Variants in NALCN observed in about 807,000 individuals in gnomAD.
NALCN encodes sodium leak channel, non-selective, also known as sodium leak channel NALCN.
NALCN carries 111 observed loss-of-function variants against 225.3 expected under a neutral mutation model. The observed-to-expected ratio is 0.49, with a 90% CI of 0.42 to 0.58. The LOEUF is 0.58. NALCN is among the 20% of genes least tolerant of loss of function. NALCN has a pLI of 0.00. For synonymous variants in NALCN, 764 were observed against 769.0 expected (o/e 0.99, Z 0.11); for missense variants, 1,378 against 2,202.4 (o/e 0.63, Z 7.49).
At chr13:101,262,668 G>T (rs1594555057) in intron 10 of NALCN, among the ~76,000 whole-genome samples, 1 of 152,130 alleles carries the variant, frequency 6.6e-6, no homozygotes, top group Non-Finnish European at 1.5e-5. Flanking sequence ...ACTAAAATGG[G>T]GTAAGAGAAC....
chr13:101,111,210 G>A lies in NALCN; in HGVS notation c.2209C>T (p.Arg737Cys), dbSNP rs2139647833. Residue 737 changes from arginine (R) to cysteine (C), a missense_variant, in exon 19 of 44, where the codon CGC becomes TGC. Physicochemically the swap from Arg to Cys is radical, Grantham distance 180 (BLOSUM62 -3). Transcript: ENST00000251127. ...TKILRACTRQ[R>C]MLSGSFEGQP... ...CCCTCAAATGATCCGCTCAGCATGC[G>A]CTGTCGGGTGCAAGCTCTAGGAAAA... is the stretch of plus-strand genomic sequence containing the variant. The A allele has an allele frequency of 6.3e-7, 1 of 1,594,470 alleles. No individual in the cohort carries two copies. The highest frequency in any genetic ancestry group is 8.6e-7 in the Non-Finnish European group (1 of 1,166,264).
At chr13:101,133,951 C>T (rs2036637892) in intron 17 of NALCN, among the ~76,000 whole-genome samples, 1 of 152,034 alleles carries the variant, frequency 6.6e-6, no homozygotes, top group African/African-American at 2.4e-5. Context: ...GGGTGGATCA[C>T]GAGGTCAGGA....
At chr13:101,324,387 T>C (rs16958844) in intron 7 of NALCN, among the ~76,000 whole-genome samples, 15,971 of 152,278 alleles carry the variant, frequency 0.1, 1,145 homozygotes, top group African/African-American at 0.19. Context: ...AAATATTTTA[T>C]CAGATTACAC....
At chr13:101,116,921 T>G (rs1464888098) in intron 18 of NALCN, 1 of 513,248 alleles carries the variant, frequency 1.9e-6, no homozygotes, top group South Asian at 1.4e-5. Flanking sequence ...GGCTCTTACC[T>G]GACTCCACTA....
intron 7 of NALCN, among the ~76,000 whole-genome samples, chr13:101,298,815 A>AAATACTTGTAGACATT (rs2043848361): frequency 6.6e-6 from 1 of 152,164 alleles, no homozygotes; most frequent in African/African-American, 2.4e-5. Flanking sequence ...AGTCCCTGCA[A>AAATACTTGTAGACATT]CCCCCAACCA....
intron 3 of NALCN, among the ~76,000 whole-genome samples, chr13:101,386,585 T>TTTTATA (rs1372623331): frequency 2.0e-5 from 3 of 151,904 alleles, no homozygotes; most frequent in Admixed American, 6.6e-5. Flanking sequence ...ATCTTACATA[T>TTTTATA]TTTATATTTA....
At chr13:101,164,627 G>A (rs375364013) in intron 15 of NALCN, among the ~76,000 whole-genome samples, 5 of 152,190 alleles carry the variant, frequency 3.3e-5, no homozygotes, top group East Asian at 3.9e-4. Context: ...CCCAAATTCT[G>A]AGCCTCTGTT....
At chr13:101,164,597 T>G (rs2038351266) in intron 15 of NALCN, among the ~76,000 whole-genome samples, 1 of 152,200 alleles carries the variant, frequency 6.6e-6, no homozygotes, top group South Asian at 2.1e-4. Flanking sequence ...GCTGTTGTTT[T>G]TATGTTGATA....
At chr13:101,094,816 C>T (rs1263776477) in intron 28 of NALCN, among the ~76,000 whole-genome samples, 1 of 152,184 alleles carries the variant, frequency 6.6e-6, no homozygotes, top group Non-Finnish European at 1.5e-5. Flanking sequence ...AGAGTTTTGA[C>T]ATTTAGAAAA....
rs73560749 is a variant in NALCN, at chr13:101,232,891, G to A, written c.1435-3307C>T. Among the ~76,000 whole-genome samples, 1,372 of 152,062 alleles carry A rather than the reference G, an allele frequency of 9.0e-3. 23 individuals carry two copies. Among genetic ancestry groups the A allele is most frequent in the African/African-American group, 0.032 (1,323 of 41,450 alleles). On this transcript the variant is annotated intron_variant, in intron 12 of 43. Transcript: ENST00000251127. ...AATTTCCAGAATAATAATCTGGAAA[G>A]ATTTCACATTTTTATCAGATTTGTC...
chr13:101,178,314 T>A (rs2043684926), intron 14 of NALCN, among the ~76,000 whole-genome samples: 1 of 152,112 alleles, frequency 6.6e-6, no homozygotes, highest in Admixed American at 6.5e-5. Flanking sequence ...AATTTAATCA[T>A]GTTTCCTCTC....
At chr13:101,255,099 A>G (rs77099248) in intron 11 of NALCN, among the ~76,000 whole-genome samples, 1,627 of 152,178 alleles carry the variant, frequency 0.011, 28 homozygotes, top group African/African-American at 0.038. Flanking sequence ...CACATAATAT[A>G]TACTGAATTC....
intron 3 of NALCN, among the ~76,000 whole-genome samples, chr13:101,392,194 AC>A (rs1405429246): frequency 3.9e-5 from 6 of 152,116 alleles, no homozygotes; most frequent in African/African-American, 1.4e-4. Context: ...TAGTGTGCAT[AC>A]ATGCCCGCCA....
rs1401703339 is a variant in NALCN at position 101,068,011 on chromosome 13, G to A, written c.4353C>T (p.Ser1451=). Residue 1451 remains serine, a synonymous_variant, in exon 39 of 44, where the codon TCC becomes TCT. Transcript: ENST00000251127. ...LLVAIIVENF[S]LFYSTEEDQL... is the part of the protein sequence containing the mutation. ...GGTCCTCCTCAGTGGAATAAAACAA[G>A]GAGAAATTCTCCACAATTATGGCTT... The A allele has an allele frequency of 4.4e-6, 7 of 1,607,094 alleles. No homozygotes were observed. The highest frequency in any genetic ancestry group is 5.9e-6 in the Non-Finnish European group (7 of 1,177,896).
intron 6 of NALCN, among the ~76,000 whole-genome samples, chr13:101,368,293 G>C (rs1594750536): frequency 6.6e-6 from 1 of 151,730 alleles, no homozygotes; most frequent in South Asian, 2.1e-4. Context: ...TGAGAATGAT[G>C]ATTTCCAATT....
intron 14 of NALCN, among the ~76,000 whole-genome samples, chr13:101,178,814 C>T (rs1042844979): frequency 6.6e-6 from 1 of 152,164 alleles, no homozygotes; most frequent in African/African-American, 2.4e-5. Flanking sequence ...GTATGGAAAG[C>T]GGTGATATAA....
chr13:101,098,722 G>C (rs868353945), intron 27 of NALCN, among the ~76,000 whole-genome samples: 1 of 151,944 alleles, frequency 6.6e-6, no homozygotes, highest in Non-Finnish European at 1.5e-5. Flanking sequence ...AGTAAGATGG[G>C]CTGAAGTTCT....
intron 13 of NALCN, among the ~76,000 whole-genome samples, chr13:101,207,515 T>C (rs983874857): frequency 2.0e-5 from 3 of 152,228 alleles, no homozygotes; most frequent in Admixed American, 2.0e-4. Context: ...ATTCTTTAAA[T>C]ATCCTTGCTC....
intron 6 of NALCN, among the ~76,000 whole-genome samples, chr13:101,354,867 T>C (rs371789459): frequency 3.3e-5 from 5 of 152,120 alleles, no homozygotes; most frequent in East Asian, 1.9e-4. Context: ...CTCCCTGATA[T>C]AGTTTGGATA....
Sources: allele counts gnomAD v4.1 joint callset (sites outside exome capture counted in the v4.1 genomes callset), GRCh38; gene constraint gnomAD v4.1.1; transcripts MANE v1.5; gene names NCBI Gene and HGNC (gene_info 2026-07-23, HGNC 2026-07-21).